CCDC171: variants seen among roughly 807,000 people sequenced by gnomAD.
CCDC171 encodes the protein coiled-coil domain containing 171, also known as coiled-coil domain-containing protein 171.
A neutral mutation model predicts 168.2 loss-of-function variants in CCDC171; 177 were observed. The observed-to-expected ratio is 1.05, with a 90% confidence interval of 0.93 to 1.19. CCDC171 has a LOEUF of 1.19. CCDC171 is among the 50% of genes most tolerant of loss of function. The probability of loss-of-function intolerance (pLI) is 0.00; values close to 1 mark genes in which losing one functional copy is unlikely to be tolerated. For missense variants in CCDC171, 1,991 were observed against 1,539.0 expected, an observed-to-expected ratio of 1.29 and a Z score of -4.91; for synonymous variants, 687 against 540.8, an observed-to-expected ratio of 1.27 and a Z score of -3.75.
chr9:15,992,777 ACAAG>A (rs1832241813), intron 3 of CCDC171, among the ~76,000 whole-genome samples: 1 of 152,226 alleles, frequency 6.6e-6, no homozygotes, highest in Non-Finnish European at 1.5e-5. Flanking sequence ...TGCAAAAATC[ACAAG>A]CATTCTTATA....
chr9:15,887,806 A>G (rs1180252570), intron 24 of CCDC171: 1 of 152,150 alleles, frequency 6.6e-6, no homozygotes, highest in Non-Finnish European at 1.5e-5. Context: ...AGACTTGCCA[A>G]TACTAGCCAA....
At chr9:16,024,283 G>A (rs73415848) in intron 6 of CCDC171, among the ~76,000 whole-genome samples, 3 of 152,192 alleles carry the variant, frequency 2.0e-5, no homozygotes, top group African/African-American at 7.2e-5. Flanking sequence ...AATAAAAATA[G>A]GAAACTAATA....
rs183860280 is a variant in CCDC171, at chr9:15,820,181, A to G, written c.3268-26521A>G. On this transcript the variant is annotated intron_variant, in intron 21 of 25. Transcript: ENST00000380701. ...CAACATACCAGAATCTCTGGGACAC[A>G]TTCAAAGCAGTGTGTAGAGGGAAAT... Among the ~76,000 whole-genome samples the G allele has an allele frequency of 1.1e-3, 125 of 117,664 alleles. 36 individuals are homozygous for G. The highest frequency in any genetic ancestry group is 3.9e-3 in the African/African-American group (123 of 31,404). The allele number at this position is 117,664 out of a possible 152,430, so 77.2% of individuals were successfully genotyped here.
intron 23 of CCDC171, among the ~76,000 whole-genome samples, chr9:15,853,235 G>A (rs1462826388): frequency 1.3e-5 from 2 of 151,592 alleles, no homozygotes; most frequent in African/African-American, 4.8e-5. Flanking sequence ...TACTTATTTA[G>A]ATCTTCTTTA....
chr9:16,068,522 C>T, the CCDC171 span, among the ~76,000 whole-genome samples: 1 of 152,304 alleles, frequency 6.6e-6, no homozygotes, highest in Middle Eastern at 3.4e-3. Context: ...AAAGCACAGA[C>T]CCTTGAACCA....
rs781449689 is a variant in CCDC171 at position 15,744,585 on chromosome 9, A to C, written c.2362A>C (p.Lys788Gln). ...AGAGGAAAAGAAGCAAGAGGAAGCC[A>C]AGATGAAAAAGAAAACATTCAAAGG... Reference protein sequence around the residue: ...TVEEKKQEEAKMKKKTFKGLI... With the variant: ...TVEEKKQEEAQMKKKTFKGLI... The change falls in exon 17 of 26, where the codon AAG (lysine) becomes CAG (glutamine). Residue 788 changes from lysine (K) to glutamine (Q), a missense_variant. Transcript: ENST00000380701. 1.2e-6 allele frequency: 2 copies of C among 1,614,120 alleles called. No homozygotes were observed. Among genetic ancestry groups the C allele is most frequent in the Non-Finnish European group, 1.7e-6 (2 of 1,180,050 alleles).
chr9:15,628,216 A>G (rs1223521845), intron 7 of CCDC171, among the ~76,000 whole-genome samples: 2 of 152,126 alleles, frequency 1.3e-5, no homozygotes, highest in Non-Finnish European at 2.9e-5. Context: ...CAGCCGAAGC[A>G]GGGCGAGGCA....
At chr9:15,603,498 T>C (rs1034885656) in intron 6 of CCDC171, among the ~76,000 whole-genome samples, 3 of 152,164 alleles carry the variant, frequency 2.0e-5, no homozygotes, top group Non-Finnish European at 2.9e-5. Flanking sequence ...AGTGAGAACA[T>C]GCGGTATTTC....
At chr9:16,000,782 C>G (rs1215968770) in intron 3 of CCDC171, among the ~76,000 whole-genome samples, 1 of 151,866 alleles carries the variant, frequency 6.6e-6, no homozygotes, top group Non-Finnish European at 1.5e-5. Flanking sequence ...ACTACTCTCT[C>G]TCAACAAATG....
chr9:16,070,127 A>C, the CCDC171 span, among the ~76,000 whole-genome samples: 11 of 152,142 alleles, frequency 7.2e-5, no homozygotes, highest in African/African-American at 2.7e-4. Flanking sequence ...CAATGAGCTG[A>C]AGCGGCCTGG....
chr9:16,076,511 G>T, the CCDC171 span, among the ~76,000 whole-genome samples: 10 of 152,292 alleles, frequency 6.6e-5, no homozygotes, highest in African/African-American at 1.4e-4. Flanking sequence ...CTGCAGTCCA[G>T]TTTGGAGCTG....
chr9:15,687,308 T>C (rs1381995064), intron 10 of CCDC171, among the ~76,000 whole-genome samples: 2 of 151,114 alleles, frequency 1.3e-5, no homozygotes, highest in Non-Finnish European at 3.0e-5. Flanking sequence ...TCAAAAAAAA[T>C]ACTGGGGCAT....
intron 8 of CCDC171, among the ~76,000 whole-genome samples, chr9:15,659,974 A>T (rs1564157141): frequency 1.3e-5 from 2 of 152,194 alleles, no homozygotes; most frequent in Non-Finnish European, 2.9e-5. Flanking sequence ...ACTGCTTTCA[A>T]TATGTCTAAA....
At chr9:15,612,854 A>T (rs1461302165) in intron 6 of CCDC171, among the ~76,000 whole-genome samples, 4 of 152,122 alleles carry the variant, frequency 2.6e-5, no homozygotes. Flanking sequence ...TGTTTTTCCC[A>T]CTGAACATCT....
intron 3 of CCDC171, among the ~76,000 whole-genome samples, chr9:16,002,779 G>C (rs1481188119): frequency 6.6e-6 from 1 of 152,184 alleles, no homozygotes; most frequent in Non-Finnish European, 1.5e-5. Context: ...GCCCTCTGTA[G>C]TTGTACCATT....
chr9:15,649,459 G>T (rs952798411), intron 7 of CCDC171, among the ~76,000 whole-genome samples: 4 of 152,116 alleles, frequency 2.6e-5, no homozygotes, highest in Non-Finnish European at 5.9e-5. Flanking sequence ...GAGCGAACAG[G>T]TAACCTACAG....
chr9:15,932,136 T>A (rs1318637620), intron 25 of CCDC171, among the ~76,000 whole-genome samples: 6 of 151,914 alleles, frequency 3.9e-5, no homozygotes, highest in South Asian at 2.1e-4. Context: ...TTTTTTTCCA[T>A]TTCTGTGAAG....
intron 3 of CCDC171, among the ~76,000 whole-genome samples, chr9:15,578,630 A>G (rs994434865): frequency 1.3e-5 from 2 of 150,616 alleles, no homozygotes; most frequent in Non-Finnish European, 3.0e-5. Flanking sequence ...AAGTTCTTAT[A>G]AGATTTTTTT....
At chr9:16,046,198 A>C (rs1044203157) in intron 1 of CCDC171, among the ~76,000 whole-genome samples, 9 of 152,106 alleles carry the variant, frequency 5.9e-5, no homozygotes, top group Non-Finnish European at 1.2e-4. Flanking sequence ...TAGAAAGAGG[A>C]ATATTTTCAG....
Sources: allele counts gnomAD v4.1 joint callset (sites outside exome capture counted in the v4.1 genomes callset), GRCh38; gene constraint gnomAD v4.1.1; transcripts MANE v1.5; gene names NCBI Gene and HGNC (gene_info 2026-07-23, HGNC 2026-07-21).